CSNK2A1: variants seen among roughly 807,000 people sequenced by gnomAD.
CSNK2A1 encodes casein kinase 2 alpha 1, also known as casein kinase II subunit alpha.
In CSNK2A1, 10 loss-of-function variants were observed where a neutral mutation model predicts 62.9. That is an observed-to-expected ratio of 0.16 (90% confidence interval 0.10 to 0.27). The LOEUF (loss-of-function observed/expected upper bound fraction) is 0.27. CSNK2A1 is among the 10% of genes least tolerant of loss of function. The pLI is 1.00. For missense variants in CSNK2A1, 160 were observed against 492.0 expected, an observed-to-expected ratio of 0.33 and a Z score of 6.38; for synonymous variants, 124 against 167.8, an observed-to-expected ratio of 0.74 and a Z score of 2.02.
At chr20:535,428 T>C (rs942776712) in intron 1 of CSNK2A1, among the ~76,000 whole-genome samples, 1 of 152,212 alleles carries the variant, frequency 6.6e-6, no homozygotes, top group East Asian at 1.9e-4. Flanking sequence ...CCAAAGCAGA[T>C]GGCCATTTGT....
intron 2 of CSNK2A1, among the ~76,000 whole-genome samples, chr20:516,909 T>A (rs1238506029): frequency 6.6e-6 from 1 of 152,134 alleles, no homozygotes; most frequent in Admixed American, 6.6e-5. Flanking sequence ...ATGAACAAGA[T>A]CTCATCATCA....
chr20:519,685 T>C (rs2018904421), intron 2 of CSNK2A1, among the ~76,000 whole-genome samples: 1 of 151,726 alleles, frequency 6.6e-6, no homozygotes, highest in African/African-American at 2.4e-5. Flanking sequence ...CTGAAAAAAA[T>C]AAATAGCCGC....
chr20:486,770 A>G, intron 12 of CSNK2A1: 1 of 307,192 alleles, frequency 3.3e-6, no homozygotes, highest in Non-Finnish European at 6.2e-6. Context: ...GAGACAAGAC[A>G]CTGTAACTCG....
intron 13 of CSNK2A1, among the ~76,000 whole-genome samples, chr20:485,115 T>TAATAATAATAATAATAATAATAATAATA (rs1568496757): frequency 2.0e-5 from 1 of 49,012 alleles, no homozygotes; most frequent in African/African-American, 9.0e-5. Flanking sequence ...AAAAAATATA[T>TAATAATAATAATAATAATAATAATAATA]ATATATATAT....
chr20:530,468 C>CT (rs779710774), intron 1 of CSNK2A1, among the ~76,000 whole-genome samples: 18,032 of 135,136 alleles, frequency 0.13, 1,713 homozygotes, highest in African/African-American at 0.26. Flanking sequence ...ACTTTTTTTC[C>CT]TTTTTTTTTT....
intron 2 of CSNK2A1, among the ~76,000 whole-genome samples, chr20:518,913 T>C (rs895605960): frequency 1.3e-5 from 2 of 150,430 alleles, no homozygotes; most frequent in African/African-American, 4.9e-5. Flanking sequence ...AGGAAAAATA[T>C]AGTGAAATCG....
At chr20:484,882 C>G (rs2018036819) in intron 13 of CSNK2A1, among the ~76,000 whole-genome samples, 2 of 150,922 alleles carry the variant, frequency 1.3e-5, no homozygotes, top group South Asian at 4.2e-4. Context: ...GCCTGGCCAA[C>G]ATGGTGAAAC....
chr20:486,226 C>T, intron 13 of CSNK2A1, 150 bp downstream of exon 13: 1 of 767,488 alleles, frequency 1.3e-6, no homozygotes, highest in Non-Finnish European at 2.0e-6. Context: ...CTAAAGTATA[C>T]CAAATGTCAA....
At chr20:521,970 A>G (rs1022095814) in intron 2 of CSNK2A1, among the ~76,000 whole-genome samples, 1 of 152,238 alleles carries the variant, frequency 6.6e-6, no homozygotes, top group Non-Finnish European at 1.5e-5. Context: ...GGGGTCCCCA[A>G]TCCCCGGGCC....
intron 8 of CSNK2A1, 116 bp downstream of exon 8, chr20:495,603 T>C (rs1401835746): frequency 7.8e-6 from 6 of 764,914 alleles, no homozygotes; most frequent in Non-Finnish European, 1.3e-5. Flanking sequence ...TCACCAAATA[T>C]TTCTCAACTG....
Position 499,695 on chromosome 20 carries a change from A to G in CSNK2A1, c.315+138T>C. On this transcript the variant is annotated intron_variant, in intron 5 of 13. Transcript: ENST00000217244. The surrounding 1 kb of genome is among the most constrained non-coding windows in gnomAD (Gnocchi z 4.2). ...TGAAAGAAAGACCCAAGCTAGTTAA[A>G]TGGTATATCTGATTAAGCACTTTCA... The G allele has an allele frequency of 1.3e-6, 1 of 761,546 alleles. No individual in the cohort carries two copies. Among genetic ancestry groups the G allele is most frequent in the Non-Finnish European group, 2.2e-6 (1 of 445,458 alleles). The allele number at this position is 761,546 out of a possible 1,614,324, so 47.2% of individuals were successfully genotyped here.
intron 2 of CSNK2A1, among the ~76,000 whole-genome samples, chr20:525,138 A>C (rs1201453302): frequency 1.3e-5 from 2 of 152,310 alleles, no homozygotes; most frequent in South Asian, 2.1e-4. Flanking sequence ...TAAATAAAAA[A>C]AAACATAGGC....
At chr20:529,643 A>G (rs541541796) in intron 1 of CSNK2A1, among the ~76,000 whole-genome samples, 1 of 152,320 alleles carries the variant, frequency 6.6e-6, no homozygotes, top group African/African-American at 2.4e-5. Flanking sequence ...AAAAAAAATC[A>G]TATGTGGAAA....
intron 2 of CSNK2A1, among the ~76,000 whole-genome samples, chr20:512,085 C>T (rs2018734370): frequency 6.6e-6 from 1 of 152,052 alleles, no homozygotes; most frequent in Non-Finnish European, 1.5e-5. Flanking sequence ...AGACAGGGGT[C>T]TTGCTTATGC....
chr20:497,595 TTATA>T (rs2018371184), intron 7 of CSNK2A1, 122 bp downstream of exon 7: 2 of 743,516 alleles, frequency 2.7e-6, no homozygotes, highest in African/African-American at 3.6e-5. Context: ...TATTAAAAAC[TTATA>T]TAGAGGTCCC....
chr20:518,458 T>A (rs1449681812), intron 2 of CSNK2A1, among the ~76,000 whole-genome samples: 1 of 152,208 alleles, frequency 6.6e-6, no homozygotes, highest in Admixed American at 6.5e-5. Context: ...TTAGTGCCCA[T>A]GCATACCTGA....
intron 8 of CSNK2A1, 105 bp from the exon 9 acceptor site, chr20:492,469 G>T (rs1235342965): frequency 1.9e-6 from 2 of 1,079,324 alleles, no homozygotes; most frequent in Non-Finnish European, 2.7e-6. Context: ...ACTCTTTACT[G>T]AAACCCCTCC....
intron 4 of CSNK2A1, chr20:502,272 T>C (rs1340588430): frequency 6.6e-6 from 1 of 152,246 alleles, no homozygotes. Context: ...AAGTCTTCTC[T>C]TCCTGCTTCA....
intron 1 of CSNK2A1, among the ~76,000 whole-genome samples, chr20:538,326 T>G (rs2019378154): frequency 6.6e-6 from 1 of 152,200 alleles, no homozygotes; most frequent in Non-Finnish European, 1.5e-5. Context: ...CTAGACTAGC[T>G]CTAGGGCTGA....
Sources: allele counts gnomAD v4.1 joint callset (sites outside exome capture counted in the v4.1 genomes callset), GRCh38; gene constraint gnomAD v4.1.1; non-coding constraint Gnocchi (gnomAD v3.1); transcripts MANE v1.5; gene names NCBI Gene and HGNC (gene_info 2026-07-23, HGNC 2026-07-21).